Variants in ABCC11 observed in about 807,000 individuals in gnomAD.
ABCC11 encodes the protein ATP-binding cassette sub-family C member 11.
ABCC11 carries 135 observed loss-of-function variants against 149.3 expected under a neutral mutation model. That is an observed-to-expected ratio of 0.90 (90% CI 0.79 to 1.04). The LOEUF is 1.04. Among genes scored for constraint, ABCC11 ranks in the 50% least tolerant of loss-of-function variants. The probability of loss-of-function intolerance (pLI) is 0.00; values close to 1 mark genes in which losing one functional copy is unlikely to be tolerated. For synonymous variants in ABCC11, 665 were observed against 671.4 expected, an observed-to-expected ratio of 0.99 and a Z score of 0.15; for missense variants, 1,680 against 1,722.1, an observed-to-expected ratio of 0.98 and a Z score of 0.43.
rs762368484 is a variant in ABCC11, at chr16:48,227,962, A to G, written c.239T>C (p.Phe80Ser). The G allele has an allele frequency of 2.5e-6, 4 of 1,610,252 alleles. No individual in the cohort carries two copies. The highest frequency in any genetic ancestry group is 3.4e-6 in the Non-Finnish European group (4 of 1,177,990). The change falls in exon 4 of 30, where the codon TTT becomes TCT. Residue 80 changes from phenylalanine to serine, a missense_variant and splice_region_variant. By Grantham distance (155) the Phe-to-Ser change is radical. Transcript: ENST00000356608. ...ATTGTCCAGGGGCTGGGGGGCAGGA[A>G]ACCTAGTAGAGGGGCCACAAGGATA... ...TMIPFRPKPR[F>S]PAPQPLDNAG...
chr16:48,192,507 C>G lies in ABCC11; in HGVS notation c.2706+13G>C. The stretch of plus-strand genomic sequence containing the variant: ...GCTCAGCCTTCGGCCCCACCCAGCA[C>G]CCAGGCCCATACCTTGTTGAAGAGC... On this transcript the variant is annotated intron_variant, in intron 20 of 29. Coordinates refer to ENST00000356608, the MANE Select transcript of ABCC11 (RefSeq NM_001370497.1). 6.2e-7 allele frequency: 1 copy of G among 1,613,990 alleles called. No homozygotes were observed. Among genetic ancestry groups the G allele is most frequent in the Non-Finnish European group, 8.5e-7 (1 of 1,179,890 alleles).
chr16:48,193,547 T>C (rs1450493298), intron 19 of ABCC11, among the ~76,000 whole-genome samples: 1 of 152,170 alleles, frequency 6.6e-6, no homozygotes, highest in Non-Finnish European at 1.5e-5. Context: ...AAGTATATTT[T>C]AAATAAACCA....
intron 18 of ABCC11, among the ~76,000 whole-genome samples, chr16:48,195,279 T>C (rs1376006540): frequency 1.3e-5 from 2 of 152,208 alleles, no homozygotes; most frequent in East Asian, 1.9e-4. Flanking sequence ...GCCTGGAACA[T>C]AGCAGGCACT....
chr16:48,170,460 G>A (rs1024696012), intron 27 of ABCC11, among the ~76,000 whole-genome samples: 1 of 152,044 alleles, frequency 6.6e-6, no homozygotes, highest in Non-Finnish European at 1.5e-5. Flanking sequence ...CTCAGTTCTT[G>A]GTCTCAGCTC....
At position 48,210,993 on chromosome 16, in the gene ABCC11, G is replaced by A. The variant is rs144136977; in HGVS notation, c.1563C>T (p.Asn521=). ...RDALGPEEEG[N]SLGPELHKIN... ...TCTTGTGCAACTCTGGGCCCAGGCT[G>A]TTCCCTTCTTCCTCTGGCCCGAGGG... The change falls in exon 11 of 30, where the codon AAC becomes AAT. Residue 521 remains asparagine, a synonymous_variant. Transcript: ENST00000356608. 2 of 1,614,206 alleles carry A rather than the reference G, an allele frequency of 1.2e-6. No homozygotes were observed. Among genetic ancestry groups the A allele is most frequent in the African/African-American group, 1.3e-5 (1 of 75,064 alleles).
chr16:48,205,591 G>A (rs971417398), intron 12 of ABCC11, 54 bp from the exon 13 acceptor site: 13 of 1,593,002 alleles, frequency 8.2e-6, no homozygotes, highest in Non-Finnish European at 9.4e-6. Flanking sequence ...GACAGAGCCT[G>A]CCTGGCTCAG....
intron 5 of ABCC11, 59 bp from the exon 6 acceptor site, chr16:48,222,890 T>C: frequency 1.4e-6 from 2 of 1,435,632 alleles, no homozygotes; most frequent in South Asian, 2.5e-5. Context: ...GTTTGATGTT[T>C]TGTTGCTGGA....
intron 23 of ABCC11, among the ~76,000 whole-genome samples, chr16:48,183,591 G>A (rs537098570): frequency 3.3e-5 from 5 of 152,252 alleles, no homozygotes; most frequent in African/African-American, 7.2e-5. Context: ...GCAAAACCCC[G>A]TGTCTAACCA....
At position 48,167,272 on chromosome 16, in the gene ABCC11, CCTT is replaced by C; in HGVS notation, c.4148_*1del. Reference sequence around the variant, plus strand: ...CAGCCTCCATGAAGTCTCCACATCTCCTTATCTCAGTGAAGAAGTGGCTGTGGC... The same window carrying C: ...CAGCCTCCATGAAGTCTCCACATCTCATCTCAGTGAAGAAGTGGCTGTGGC... On this transcript the variant is annotated stop_retained_variant and 3_prime_UTR_variant, in exon 30 of 30. Transcript: ENST00000356608. The C allele has an allele frequency of 2.5e-6, 2 of 808,108 alleles. No individual in the cohort carries two copies. The highest frequency in any genetic ancestry group is 4.5e-6 in the Non-Finnish European group (2 of 443,340). 50.1% of individuals were successfully genotyped at this position (808,108 alleles called of 1,614,324 possible). A position where few individuals can be genotyped will look rare whatever the true frequency, so the allele number is the denominator to read the frequency against.
At chr16:48,213,228 A>G (rs1003123739) in intron 10 of ABCC11, among the ~76,000 whole-genome samples, 49 of 152,240 alleles carry the variant, frequency 3.2e-4, no homozygotes, top group Non-Finnish European at 1.5e-5. Flanking sequence ...GTTTGGACAC[A>G]CTATCCTAAG....
intron 3 of ABCC11, among the ~76,000 whole-genome samples, chr16:48,229,800 T>C (rs558852498): frequency 8.9e-4 from 136 of 152,310 alleles, no homozygotes; most frequent in Non-Finnish European, 1.7e-3. Context: ...AGAACCTGTC[T>C]GATCCGCTTG....
At chr16:48,207,569 A>T (rs965265232) in intron 12 of ABCC11, among the ~76,000 whole-genome samples, 5 of 152,008 alleles carry the variant, frequency 3.3e-5, no homozygotes, top group African/African-American at 1.2e-4. Context: ...CAGGAGGTTG[A>T]GGCATGAGAA....
chr16:48,240,867 G>A (rs560704297), intron 1 of ABCC11, among the ~76,000 whole-genome samples: 3 of 152,074 alleles, frequency 2.0e-5, no homozygotes, highest in Non-Finnish European at 4.4e-5. Context: ...CCTTCACCAA[G>A]TAGTCAAGAT....
chr16:48,232,735 G>C (rs993260403), intron 1 of ABCC11, among the ~76,000 whole-genome samples: 12 of 152,196 alleles, frequency 7.9e-5, no homozygotes, highest in African/African-American at 2.9e-4. Context: ...GTGCCCCCCA[G>C]GGCCCCACAC....
At chr16:48,200,938 G>T (rs1343496003) in intron 14 of ABCC11, among the ~76,000 whole-genome samples, 1 of 152,144 alleles carries the variant, frequency 6.6e-6, no homozygotes, top group Non-Finnish European at 1.5e-5. Context: ...TAAATGCCCT[G>T]ACCTGATCAT....
intron 22 of ABCC11, 106 bp downstream of exon 22, chr16:48,186,847 C>A: frequency 7.1e-7 from 1 of 1,406,560 alleles, no homozygotes; most frequent in Non-Finnish European, 9.7e-7. Flanking sequence ...ACAATGTGCT[C>A]TCTGATGCTT....
At position 48,195,118 on chromosome 16, in the gene ABCC11, A is replaced by G. The variant is rs532807010; in HGVS notation, c.2404+1114T>C. 2.0e-5 allele frequency among the ~76,000 whole-genome samples: 3 copies of G among 152,244 alleles called. No homozygotes were observed. The South Asian group carries it at 6.2e-4, about 32-fold the overall frequency. On this transcript the variant is annotated intron_variant, in intron 18 of 29. Transcript: ENST00000356608. ...TTTCCCAAATTCTATCCTTCCTTCA[A>G]GGGCTATCTCTTCTTTGATGAGATT...
At chr16:48,244,239 C>T (rs1009255929) in intron 1 of ABCC11, 1 of 579,060 alleles carries the variant, frequency 1.7e-6, no homozygotes, top group Non-Finnish European at 3.0e-6. Flanking sequence ...CAGCGCGAAG[C>T]CATGGCTTTT....
At chr16:48,231,256 G>T (rs1970398177) in intron 2 of ABCC11, among the ~76,000 whole-genome samples, 1 of 151,952 alleles carries the variant, frequency 6.6e-6, no homozygotes, top group Non-Finnish European at 1.5e-5. Context: ...TAGAGAGATA[G>T]ATACAATCTA....
Sources: gnomAD v4.1 joint callset for allele counts (sites outside exome capture counted in the v4.1 genomes callset) on GRCh38, gnomAD v4.1.1 for gene constraint, MANE v1.5 for transcripts, NCBI Gene and HGNC (gene_info 2026-07-23, HGNC 2026-07-21) for gene names.